The following CRMP1 variants were observed in gnomAD, a reference collection of about 807,000 sequenced individuals.
CRMP1 encodes the protein collapsin response mediator protein 1, also known as dihydropyrimidinase-related protein 1.
CRMP1 carries 19 observed loss-of-function variants against 68.3 expected under a neutral mutation model. That is an observed-to-expected ratio of 0.28 (90% CI 0.19 to 0.41). The LOEUF (loss-of-function observed/expected upper bound fraction) is 0.41, where lower values mean the gene tolerates loss of function less well. Ranked by LOEUF, CRMP1 falls within the 10% of genes least tolerant of loss-of-function variation. The probability of loss-of-function intolerance (pLI) is 1.00; values close to 1 mark genes in which losing one functional copy is unlikely to be tolerated. For synonymous variants in CRMP1, 439 were observed against 399.6 expected (o/e 1.10, Z -1.18); for missense variants, 791 against 967.4 (o/e 0.82, Z 2.42).
chr4:5,862,578 A>C (rs1239958528), intron 2 of CRMP1, among the ~76,000 whole-genome samples: 1 of 152,214 alleles, frequency 6.6e-6, no homozygotes, highest in African/African-American at 2.4e-5. Flanking sequence ...TCTCTCATTG[A>C]AGGCTCACAA....
chr4:5,824,152 G>T, intron 13 of CRMP1: 1 of 238,060 alleles, frequency 4.2e-6, no homozygotes, highest in Non-Finnish European at 6.8e-6. Context: ...AATTGCAATT[G>T]TGCAGTGTTT....
At position 5,838,452 on chromosome 4, in the gene CRMP1, G is replaced by T. The variant is rs1309933839; in HGVS notation, c.1310+1070C>A. The stretch of plus-strand genomic sequence containing the variant: ...AGCAGACTGTGATGGGTAGGGTGGG[G>T]TGGGCCCGTGTGGAAATAGAAAGTC... On this transcript the variant is annotated intron_variant, in intron 9 of 13. Coordinates refer to ENST00000324989, the MANE Select transcript of CRMP1 (RefSeq NM_001014809.3). The surrounding 1 kb of genome is among the most constrained non-coding windows in gnomAD (Gnocchi z 4.9). 1.3e-5 allele frequency among the ~76,000 whole-genome samples: 2 copies of T among 152,078 alleles called. No homozygotes were observed. Among genetic ancestry groups the T allele is most frequent in the Non-Finnish European group, 1.5e-5 (1 of 68,022 alleles).
At chr4:5,880,103 C>CCTTCCAACAACAGAGCTGTACAAGAGT in intron 1 of CRMP1, among the ~76,000 whole-genome samples, 2 of 152,082 alleles carry the variant, frequency 1.3e-5, no homozygotes, top group Non-Finnish European at 2.9e-5. Context: ...TAAAGAAGAG[C>CCTTCCAACAACAGAGCTGTACAAGAGT]CTTCCAACAA....
rs77065977 is a variant in CRMP1 at position 5,834,719 on chromosome 4, T to C, written c.1623+1196A>G. On this transcript the variant is annotated intron_variant, in intron 11 of 13. Transcript: ENST00000324989. The surrounding 1 kb of genome is among the most constrained non-coding windows in gnomAD (Gnocchi z 4.3). ...ACGTGAAATAATTCATAATAAATAA[T>C]AGAATTGCAAGCCCTGCTGGACTGT... Among the ~76,000 whole-genome samples the C allele has an allele frequency of 1.7e-3, 264 of 152,242 alleles. 2 individuals are homozygous for C. The highest frequency in any genetic ancestry group is 5.8e-3 in the African/African-American group (239 of 41,546).
chr4:5,887,723 T>A, intron 1 of CRMP1: 1 of 985,408 alleles, frequency 1.0e-6, no homozygotes, highest in Non-Finnish European at 1.2e-6. Context: ...AGGTCCGGAC[T>A]TCCACTCCAT....
At position 5,842,203 on chromosome 4, in the gene CRMP1, A is replaced by G. The variant is rs1711788695; in HGVS notation, c.1033-775T>C. On this transcript the variant is annotated intron_variant, in intron 7 of 13. Coordinates refer to ENST00000324989, the MANE Select transcript of CRMP1 (RefSeq NM_001014809.3). The surrounding 1 kb of genome is among the most constrained non-coding windows in gnomAD (Gnocchi z 4.5). ...CAGTGAGCCAAGATGGCGCCACTTC[A>G]CTCCAGCCTGGGCGACAGAGCGAGA... Among the ~76,000 whole-genome samples the G allele has an allele frequency of 6.6e-6, 1 of 152,024 alleles. No homozygotes were observed. Among genetic ancestry groups the G allele is most frequent in the African/African-American group, 2.4e-5 (1 of 41,412 alleles).
intron 1 of CRMP1, among the ~76,000 whole-genome samples, chr4:5,868,061 C>T (rs1389591831): frequency 6.6e-6 from 1 of 151,762 alleles, no homozygotes; most frequent in African/African-American, 2.4e-5. Context: ...CAATACCATT[C>T]CAGAATGGAA....
Position 5,877,317 on chromosome 4 carries a change from C to T in CRMP1, c.382-10561G>A, listed in dbSNP as rs569445518. On this transcript the variant is annotated intron_variant, in intron 1 of 13. Transcript: ENST00000324989. This position sits in a 1 kb window ranked among gnomAD's most constrained non-coding sequence, Gnocchi z 4.3. ...ATCGCATCAAAGCAAATTAATACAT[C>T]GTAAAGGTTCTGTGCTGGGAGCCAC... is the stretch of plus-strand genomic sequence containing the variant. Among the ~76,000 whole-genome samples, 7 of 152,296 alleles carry T rather than the reference C, an allele frequency of 4.6e-5. No individual in the cohort carries two copies. The highest frequency in any genetic ancestry group is 7.2e-5 in the African/African-American group (3 of 41,564).
intron 12 of CRMP1, among the ~76,000 whole-genome samples, chr4:5,827,122 C>A (rs188482299): frequency 6.6e-6 from 1 of 152,192 alleles, no homozygotes; most frequent in East Asian, 1.9e-4. Context: ...TGGGACCCCC[C>A]GATCCTATTG....
In CRMP1 at chr4:5,855,336, C is replaced by G. The variant is rs1370261791; in HGVS notation, c.820+807G>C. Among the ~76,000 whole-genome samples, 1 of 152,212 alleles carries G rather than the reference C, an allele frequency of 6.6e-6. No homozygotes were observed. Among genetic ancestry groups the G allele is most frequent in the Non-Finnish European group, 1.5e-5 (1 of 68,050 alleles). ...TAAAAATTGGAAACACACCCTCGCT[C>G]TCCTTGAAGCACCACCATTTGAGGC... On this transcript the variant is annotated intron_variant, in intron 4 of 13. Coordinates refer to ENST00000324989, the MANE Select transcript of CRMP1 (RefSeq NM_001014809.3). This position sits in a 1 kb window ranked among gnomAD's most constrained non-coding sequence, Gnocchi z 4.9.
rs543767657 is a variant in CRMP1, at chr4:5,883,232, T to TTTCCTTCCTTCC, written c.381+9345_381+9356dup. On this transcript the variant is annotated intron_variant, in intron 1 of 13. Coordinates refer to ENST00000324989, the MANE Select transcript of CRMP1 (RefSeq NM_001014809.3). This position sits in a 1 kb window ranked among gnomAD's most constrained non-coding sequence, Gnocchi z 4.5. Reference sequence around the variant, plus strand: ...GTGCCCTGTTCCGCAGCCTGCCTGCTTTCCTTCCTTCCTTCCTTCCTTCCT... The same window carrying TTTCCTTCCTTCC: ...GTGCCCTGTTCCGCAGCCTGCCTGCTTTCCTTCCTTCCTTCCTTCCTTCCTTCCTTCCTTCCT... 0.014 allele frequency among the ~76,000 whole-genome samples: 1,549 copies of TTTCCTTCCTTCC among 112,342 alleles called. 11 individuals are homozygous for TTTCCTTCCTTCC. The highest frequency in any genetic ancestry group is 0.021 in the East Asian group (58 of 2,716). 73.7% of individuals were successfully genotyped at this position (112,342 alleles called of 152,430 possible).
At chr4:5,835,434 A>G (rs920705883) in intron 11 of CRMP1, among the ~76,000 whole-genome samples, 2 of 152,254 alleles carry the variant, frequency 1.3e-5, no homozygotes, top group African/African-American at 4.8e-5. Flanking sequence ...GAGAAGGCCC[A>G]TAACTATGGG....
Position 5,891,175 on chromosome 4 carries a change from T to TACATACACACACACACAC in CRMP1, c.381+1413_381+1414insGTGTGTGTGTGTGTATGT, listed in dbSNP as rs1715926440. Among the ~76,000 whole-genome samples, 1 of 131,964 alleles carries TACATACACACACACACAC rather than the reference T, an allele frequency of 7.6e-6. No homozygotes were observed. Among genetic ancestry groups the TACATACACACACACACAC allele is most frequent in the Non-Finnish European group, 1.6e-5 (1 of 62,782 alleles). 86.6% of individuals were successfully genotyped at this position (131,964 alleles called of 152,430 possible). A position where few individuals can be genotyped will look rare whatever the true frequency, so the allele number is the denominator to read the frequency against. ...TGATCACCCCACCACCACACACACA[T>TACATACACACACACACAC]ACACACACACACACACACACACACA... On this transcript the variant is annotated intron_variant, in intron 1 of 13. Coordinates refer to ENST00000324989, the MANE Select transcript of CRMP1 (RefSeq NM_001014809.3). The surrounding 1 kb of genome is among the most constrained non-coding windows in gnomAD (Gnocchi z 5.2).
chr4:5,880,481 C>A (rs2152474344), intron 1 of CRMP1, among the ~76,000 whole-genome samples: 1 of 152,290 alleles, frequency 6.6e-6, no homozygotes, highest in Middle Eastern at 3.4e-3. Flanking sequence ...GCATCAGATC[C>A]AATGAGTCTT....
Position 5,859,213 on chromosome 4 carries a change from T to C in CRMP1, c.655+1813A>G, listed in dbSNP as rs994303901. 1.3e-5 allele frequency among the ~76,000 whole-genome samples: 2 copies of C among 152,190 alleles called. No homozygotes were observed. The highest frequency in any genetic ancestry group is 2.9e-5 in the Non-Finnish European group (2 of 68,026). On this transcript the variant is annotated intron_variant, in intron 3 of 13. Transcript: ENST00000324989. This position sits in a 1 kb window ranked among gnomAD's most constrained non-coding sequence, Gnocchi z 5.2. ...TTACTTAACATCTGTTGAATGAAGA[T>C]GGGGAAGGGCGGGGACCCTTTCAGA...
In CRMP1 at chr4:5,821,351, C is replaced by G; in HGVS notation, c.*409G>C. On this transcript the variant is annotated 3_prime_UTR_variant, in exon 14 of 14. Transcript: ENST00000324989. The surrounding 1 kb of genome is among the most constrained non-coding windows in gnomAD (Gnocchi z 4.4). ...CAGTCCTTGGCGATGTCCCCTCAGA[C>G]GCACTCACAGACTTGCATACGTAAT... 1 of 179,520 alleles carries G rather than the reference C, an allele frequency of 5.6e-6. No individual in the cohort carries two copies. Among genetic ancestry groups the G allele is most frequent in the Admixed American group, 5.6e-5 (1 of 17,792 alleles). 11.1% of individuals were successfully genotyped at this position (179,520 alleles called of 1,614,324 possible).
At chr4:5,851,326 C>T in intron 5 of CRMP1, 82 bp downstream of exon 5, 1 of 1,264,630 alleles carries the variant, frequency 7.9e-7, no homozygotes, top group Admixed American at 1.7e-5. Context: ...CACAATCTCC[C>T]TTGCCCTGTG....
intron 1 of CRMP1, among the ~76,000 whole-genome samples, chr4:5,885,627 G>A (rs964296356): frequency 6.6e-6 from 1 of 152,270 alleles, no homozygotes; most frequent in African/African-American, 2.4e-5. Context: ...AAAGAACCCT[G>A]CTCTCCTCCT....
chr4:5,891,821 C>G lies in CRMP1; in HGVS notation c.381+768G>C, dbSNP rs1365435037. On this transcript the variant is annotated intron_variant, in intron 1 of 13. Transcript: ENST00000324989. The surrounding 1 kb of genome is among the most constrained non-coding windows in gnomAD (Gnocchi z 5.2). ...AGAGAATACCCGCAGGGCCCAAGCC[C>G]TAGCGTTCCCTCTCCCTGATCCTCC... is the stretch of plus-strand genomic sequence containing the variant. 6.6e-6 allele frequency among the ~76,000 whole-genome samples: 1 copy of G among 152,218 alleles called. No individual in the cohort carries two copies. The highest frequency in any genetic ancestry group is 2.4e-5 in the African/African-American group (1 of 41,454).
Sources: gnomAD v4.1 joint callset for allele counts (sites outside exome capture counted in the v4.1 genomes callset) on GRCh38, gnomAD v4.1.1 for gene constraint, Gnocchi (gnomAD v3.1) non-coding constraint, MANE v1.5 for transcripts, NCBI Gene and HGNC (gene_info 2026-07-23, HGNC 2026-07-21) for gene names.